Variants in PRKCH observed in about 807,000 individuals in gnomAD.
PRKCH encodes protein kinase C eta.
Under a neutral mutation model 82.5 loss-of-function variants are expected in PRKCH, and 28 were observed. The ratio of observed to expected loss-of-function variants is 0.34; its 90% CI spans 0.25 to 0.47. The LOEUF (loss-of-function observed/expected upper bound fraction) is 0.47, where lower values mean the gene tolerates loss of function less well. Ranked by LOEUF, PRKCH falls within the 20% of genes least tolerant of loss-of-function variation. The probability of loss-of-function intolerance (pLI) is 1.00; values close to 1 mark genes in which losing one functional copy is unlikely to be tolerated. For missense variants in PRKCH, 705 were observed against 881.8 expected, an observed-to-expected ratio of 0.80 and a Z score of 2.54; for synonymous variants, 322 against 327.4, an observed-to-expected ratio of 0.98 and a Z score of 0.18.
intron 1 of PRKCH, among the ~76,000 whole-genome samples, chr14:61,233,207 A>G (rs116636185): frequency 0.013 from 1,913 of 152,242 alleles, 51 homozygotes; most frequent in African/African-American, 0.044. Flanking sequence ...CCTGGGCAAC[A>G]TAGTGAGACC....
chr14:61,227,773 A>G (rs79024456), intron 1 of PRKCH, among the ~76,000 whole-genome samples: 2,244 of 152,218 alleles, frequency 0.015, 64 homozygotes, highest in African/African-American at 0.052. Flanking sequence ...ACCTAATAGT[A>G]AGTGCTTGAT....
chr14:61,509,583 A>C, intron 10 of PRKCH, among the ~76,000 whole-genome samples: 1 of 152,108 alleles, frequency 6.6e-6, no homozygotes, highest in East Asian at 1.9e-4. Flanking sequence ...GGGTGCTTAG[A>C]AAAGGCAACT....
intron 10 of PRKCH, chr14:61,525,322 C>G (rs1000581884): frequency 6.6e-6 from 1 of 152,184 alleles, no homozygotes; most frequent in Admixed American, 6.5e-5. Flanking sequence ...AGCGATCTGT[C>G]TTATTAAATA....
chr14:61,384,373 A>G (rs2046555407), intron 1 of PRKCH, among the ~76,000 whole-genome samples: 1 of 152,238 alleles, frequency 6.6e-6, no homozygotes, highest in African/African-American at 2.4e-5. Flanking sequence ...TTTTAAAAAC[A>G]GCAGATGCCT....
rs769528586 is a variant in PRKCH at position 61,465,035 on chromosome 14, GA to G, written c.1278+7359del. On this transcript the variant is annotated intron_variant, in intron 9 of 13. Transcript: ENST00000332981. ...TGGCCATTTGTATGTCTTCTTTTGAGAAATGTCTATTCAGGTCCATTAACCA... is the reference window on the plus strand; with the variant it reads ...TGGCCATTTGTATGTCTTCTTTTGAGAATGTCTATTCAGGTCCATTAACCA... 4.9e-4 allele frequency among the ~76,000 whole-genome samples: 75 copies of G among 152,274 alleles called. 1 individual carries two copies. Among genetic ancestry groups the G allele is most frequent in the Admixed American group, 9.2e-4 (14 of 15,296 alleles).
At chr14:61,405,774 G>C (rs1207903799) in intron 2 of PRKCH, among the ~76,000 whole-genome samples, 1 of 151,620 alleles carries the variant, frequency 6.6e-6, no homozygotes. Context: ...GGAGAGGTAA[G>C]TAGGTTGGAG....
chr14:61,386,468 A>G (rs919547411), intron 1 of PRKCH, among the ~76,000 whole-genome samples: 1 of 152,136 alleles, frequency 6.6e-6, no homozygotes, highest in African/African-American at 2.4e-5. Context: ...GGGTAGATCC[A>G]GGAGAGACTT....
chr14:61,394,384 CAAATAAAA>C (rs1371955076), intron 2 of PRKCH, among the ~76,000 whole-genome samples: 1 of 152,064 alleles, frequency 6.6e-6, no homozygotes, highest in African/African-American at 2.4e-5. Context: ...CTAGCCTAGT[CAAATAAAA>C]TCAATGTAGT....
intron 9 of PRKCH, among the ~76,000 whole-genome samples, chr14:61,466,167 G>C (rs1486661324): frequency 1.3e-5 from 2 of 152,176 alleles, no homozygotes; most frequent in East Asian, 3.8e-4. Context: ...CTGGATTAAG[G>C]TAGTGGAATT....
At chr14:61,479,230 CT>C (rs1808132434) in intron 9 of PRKCH, among the ~76,000 whole-genome samples, 2 of 152,210 alleles carry the variant, frequency 1.3e-5, no homozygotes, top group Admixed American at 1.3e-4. Flanking sequence ...CACGTTTACA[CT>C]GCAAAAGCAG....
rs1351391877 is a variant in PRKCH, at chr14:61,518,855, CA to C, written c.1434-10219del. 1.2e-3 allele frequency among the ~76,000 whole-genome samples: 177 copies of C among 152,304 alleles called. 1 individual carries two copies. Among genetic ancestry groups the C allele is most frequent in the African/African-American group, 4.1e-3 (169 of 41,560 alleles). On this transcript the variant is annotated intron_variant, in intron 10 of 13. Transcript: ENST00000332981. ...TGAGACAGGATCTTGCTCTGTTGCCCATGCTGGAGTGCAGTAGCACAATCAT... is the reference window on the plus strand; with the variant it reads ...TGAGACAGGATCTTGCTCTGTTGCCCTGCTGGAGTGCAGTAGCACAATCAT...
Position 61,457,514 on chromosome 14 carries a change from T to C in PRKCH, c.1113T>C (p.Leu371=). The C allele has an allele frequency of 6.2e-7, 1 of 1,614,038 alleles. No homozygotes were observed. The highest frequency in any genetic ancestry group is 8.5e-7 in the Non-Finnish European group (1 of 1,179,938). ...CTTTTGCTTTGCCATAGGTGATGCT[T>C]GCAAGAGTAAAAGAAACAGGAGACC... The part of the protein sequence containing the change: ...LGKGSFGKVM[L]ARVKETGDLY... The change falls in exon 9 of 14, where the codon CTT becomes CTC. Residue 371 remains leucine (L), a synonymous_variant. Transcript: ENST00000332981.
rs764659550 is a variant in PRKCH, at chr14:61,530,559, C to T, written c.1725C>T (p.Thr575=). The T allele has an allele frequency of 6.2e-7, 1 of 1,607,318 alleles. No individual in the cohort carries two copies. Among genetic ancestry groups the T allele is most frequent in the Non-Finnish European group, 8.5e-7 (1 of 1,176,618 alleles). ...TGAATGATGAGGTGGTCTACCCTAC[C>T]TGGCTCCATGAAGATGCCACAGGGA... is the stretch of plus-strand genomic sequence containing the variant. ...AILNDEVVYP[T]WLHEDATGIL... is the part of the protein sequence containing the mutation. The change falls in exon 12 of 14, where the codon ACC becomes ACT. Residue 575 remains threonine, a synonymous_variant. Transcript: ENST00000332981.
chr14:61,212,305 T>C (rs57286378), intron 1 of PRKCH, among the ~76,000 whole-genome samples: 358 of 152,326 alleles, frequency 2.4e-3, no homozygotes, highest in African/African-American at 8.2e-3. Flanking sequence ...GTCGAATGGA[T>C]GGACTTTCCT....
chr14:61,205,510 G>A (rs1392192692), intron 1 of PRKCH, among the ~76,000 whole-genome samples: 2 of 152,184 alleles, frequency 1.3e-5, no homozygotes, highest in Non-Finnish European at 1.5e-5. Context: ...CCCAGTGGGA[G>A]CTGTAGATGT....
At chr14:61,399,873 T>C (rs1049752585) in intron 2 of PRKCH, among the ~76,000 whole-genome samples, 2 of 152,170 alleles carry the variant, frequency 1.3e-5, no homozygotes, top group African/African-American at 4.8e-5. Context: ...AACCTGTTAT[T>C]TGTGAATTTG....
At chr14:61,521,550 A>G (rs2042906824) in intron 10 of PRKCH, among the ~76,000 whole-genome samples, 1 of 151,576 alleles carries the variant, frequency 6.6e-6, no homozygotes, top group Admixed American at 6.6e-5. Context: ...ATGTTTTTCT[A>G]ATCTTTTTAT....
chr14:61,330,629 T>G (rs1365811659), intron 1 of PRKCH, among the ~76,000 whole-genome samples: 1 of 152,170 alleles, frequency 6.6e-6, no homozygotes, highest in African/African-American at 2.4e-5. Flanking sequence ...AGCCTGTAGG[T>G]CTATTCATTT....
intron 1 of PRKCH, among the ~76,000 whole-genome samples, chr14:61,384,734 C>A (rs1007109950): frequency 6.6e-6 from 1 of 151,972 alleles, no homozygotes; most frequent in Admixed American, 6.5e-5. Context: ...ATCATTCAGT[C>A]AAGAAATGCT....
Sources: gnomAD v4.1 joint callset for allele counts (sites outside exome capture counted in the v4.1 genomes callset) on GRCh38, gnomAD v4.1.1 for gene constraint, MANE v1.5 for transcripts, NCBI Gene and HGNC (gene_info 2026-07-23, HGNC 2026-07-21) for gene names.